FKBP5: variants seen among roughly 807,000 people sequenced by gnomAD.
FKBP5 encodes peptidyl-prolyl cis-trans isomerase FKBP5.
FKBP5 carries 23 observed loss-of-function variants against 50.5 expected under a neutral mutation model. The observed-to-expected ratio is 0.46, with a 90% CI of 0.33 to 0.65. The LOEUF is 0.65. Among genes scored for constraint, FKBP5 ranks in the 30% least tolerant of loss-of-function variants. The pLI is 0.02. For missense variants in FKBP5, 411 were observed against 553.1 expected, an observed-to-expected ratio of 0.74 and a Z score of 2.58; for synonymous variants, 176 against 190.6, an observed-to-expected ratio of 0.92 and a Z score of 0.63.
chr6:35,695,745 T>C (rs1238512403), intron 2 of FKBP5, among the ~76,000 whole-genome samples: 1 of 152,204 alleles, frequency 6.6e-6, no homozygotes, highest in Non-Finnish European at 1.5e-5. Context: ...AAGAAAACAA[T>C]TTCATTTATG....
chr6:35,695,067 C>G (rs967706747), intron 2 of FKBP5, among the ~76,000 whole-genome samples: 1 of 152,210 alleles, frequency 6.6e-6, no homozygotes, highest in African/African-American at 2.4e-5. Flanking sequence ...GAGAAACCTA[C>G]AGCCAATATC....
intron 3 of FKBP5, among the ~76,000 whole-genome samples, chr6:35,627,819 T>C (rs1350376199): frequency 1.3e-5 from 2 of 152,028 alleles, no homozygotes; most frequent in African/African-American, 4.8e-5. Flanking sequence ...TGGAGTGCAA[T>C]GGTGTGATCT....
At chr6:35,588,636 T>C (rs575824492) in intron 7 of FKBP5, among the ~76,000 whole-genome samples, 2 of 152,254 alleles carry the variant, frequency 1.3e-5, no homozygotes, top group African/African-American at 4.8e-5. Flanking sequence ...GATCTTGCTC[T>C]GTCGTCCAGG....
chr6:35,716,309 G>C (rs575118553), intron 2 of FKBP5, among the ~76,000 whole-genome samples: 23 of 152,220 alleles, frequency 1.5e-4, no homozygotes, highest in South Asian at 1.0e-3. Flanking sequence ...GGAGTCCAAG[G>C]TTGCAGTGAG....
intron 5 of FKBP5, among the ~76,000 whole-genome samples, chr6:35,602,321 C>G (rs1257829750): frequency 1.3e-5 from 2 of 152,128 alleles, no homozygotes; most frequent in Non-Finnish European, 2.9e-5. Flanking sequence ...GACATTAGCT[C>G]TGGTAAGTGT....
At position 35,701,402 on chromosome 6, in the gene FKBP5, C is replaced by A. The variant is rs564621933; in HGVS notation, c.-20+18926G>T. Among the ~76,000 whole-genome samples the A allele has an allele frequency of 1.8e-4, 28 of 151,444 alleles. No homozygotes were observed. The East Asian group carries it at 3.7e-3, about 20-fold the overall frequency. ...GGGACTACAGGCGCCCGCCACTACACCCGGCTAATTTTTTGTATTTTTAGT... is the reference window on the plus strand; with the variant it reads ...GGGACTACAGGCGCCCGCCACTACAACCGGCTAATTTTTTGTATTTTTAGT... On this transcript the variant is annotated intron_variant, in intron 2 of 11. Coordinates refer to the FKBP5 transcript ENST00000536438.
intron 2 of FKBP5, among the ~76,000 whole-genome samples, chr6:35,718,213 G>A (rs913695688): frequency 5.9e-5 from 9 of 152,142 alleles, no homozygotes; most frequent in Non-Finnish European, 1.0e-4. Flanking sequence ...CATTCCAGGC[G>A]GCAGAAACAA....
intron 8 of FKBP5, chr6:35,586,403 G>A: frequency 1.0e-6 from 1 of 985,222 alleles, no homozygotes; most frequent in Non-Finnish European, 1.2e-6. Flanking sequence ...TCTCCTGTCA[G>A]TTTGTTTTGA....
At chr6:35,588,454 A>AAAAC (rs1327477944) in intron 7 of FKBP5, among the ~76,000 whole-genome samples, 1 of 152,226 alleles carries the variant, frequency 6.6e-6, no homozygotes, top group Non-Finnish European at 1.5e-5. Flanking sequence ...TAGCACCCAA[A>AAAAC]AAACAAAAAC....
At chr6:35,623,017 C>A (rs1451457275) in intron 3 of FKBP5, among the ~76,000 whole-genome samples, 2 of 151,708 alleles carry the variant, frequency 1.3e-5, no homozygotes, top group African/African-American at 4.8e-5. Flanking sequence ...CTGAGGCGGG[C>A]GGATCACAAA....
At chr6:35,615,103 G>A (rs1005816917) in intron 5 of FKBP5, among the ~76,000 whole-genome samples, 7 of 150,786 alleles carry the variant, frequency 4.6e-5, no homozygotes, top group Non-Finnish European at 8.8e-5. Context: ...CAGCCTGGGC[G>A]ACAGAGTGAG....
intron 6 of FKBP5, among the ~76,000 whole-genome samples, chr6:35,593,280 C>T (rs936205059): frequency 6.6e-6 from 1 of 152,158 alleles, no homozygotes; most frequent in African/African-American, 2.4e-5. Flanking sequence ...AGCGTTAATG[C>T]CCTTGAATTA....
intron 6 of FKBP5, 42 bp from the exon 7 acceptor site, chr6:35,591,262 G>A: frequency 2.2e-6 from 3 of 1,339,340 alleles, no homozygotes; most frequent in Non-Finnish European, 3.2e-6. Flanking sequence ...AAGGATTGGT[G>A]TATTTCCAGG....
chr6:35,586,767 G>A (rs1762612774), intron 8 of FKBP5: 1 of 1,364,646 alleles, frequency 7.3e-7, no homozygotes. Context: ...GTGATACTGT[G>A]GTGGGTGGGG....
At chr6:35,582,459 G>A (rs1292988881) in intron 8 of FKBP5, 2 of 382,424 alleles carry the variant, frequency 5.2e-6, no homozygotes, top group African/African-American at 2.2e-5. Context: ...GAAGAAACTC[G>A]GGTGCTTGCT....
intron 8 of FKBP5, chr6:35,586,488 C>T (rs1287522904): frequency 1.0e-6 from 1 of 988,182 alleles, no homozygotes; most frequent in Non-Finnish European, 1.2e-6. Context: ...GAAGATGGGC[C>T]CGGTGCAGTG....
At chr6:35,623,002 G>A (rs750724825) in intron 3 of FKBP5, among the ~76,000 whole-genome samples, 2 of 152,164 alleles carry the variant, frequency 1.3e-5, no homozygotes, top group Non-Finnish European at 2.9e-5. Context: ...CAGCACTTTG[G>A]GAGGCTGAGG....
At chr6:35,604,497 T>A (rs891534038) in intron 5 of FKBP5, among the ~76,000 whole-genome samples, 1 of 152,230 alleles carries the variant, frequency 6.6e-6, no homozygotes, top group Non-Finnish European at 1.5e-5. Flanking sequence ...CTCCTATTCC[T>A]AGACTTATAT....
chr6:35,718,660 T>C lies in FKBP5; in HGVS notation c.-20+1668A>G, dbSNP rs6914582. 3.6e-3 allele frequency among the ~76,000 whole-genome samples: 555 copies of C among 152,300 alleles called. 2 individuals are homozygous for C. Among genetic ancestry groups the C allele is most frequent in the Middle Eastern group, 0.017 (5 of 294 alleles). ...AAGCTAAAATGTGGCTTAGTTATTC[T>C]CCTATCCTCAGCACCTAGCAGAATC... On this transcript the variant is annotated intron_variant, in intron 2 of 11. Coordinates refer to the FKBP5 transcript ENST00000536438.
Sources: allele counts gnomAD v4.1 joint callset (sites outside exome capture counted in the v4.1 genomes callset), GRCh38; gene constraint gnomAD v4.1.1; transcripts MANE v1.5; gene names NCBI Gene and HGNC (gene_info 2026-07-23, HGNC 2026-07-21).